BTBD9: variants seen among roughly 807,000 people sequenced by gnomAD.
BTBD9 encodes BTB/POZ domain-containing protein 9.
BTBD9 carries 49 observed loss-of-function variants against 64.3 expected under a neutral mutation model. The ratio of observed to expected loss-of-function variants is 0.76; its 90% CI spans 0.61 to 0.97. BTBD9 has a LOEUF of 0.97. Ranked by LOEUF, BTBD9 falls within the 50% of genes least tolerant of loss-of-function variation. BTBD9 has a pLI of 0.00. For missense variants in BTBD9, 598 were observed against 762.1 expected (o/e 0.78, Z 2.53); for synonymous variants, 260 against 274.7 (o/e 0.95, Z 0.53).
chr6:38,576,212 C>A lies in BTBD9; in HGVS notation c.1154+1388G>T, dbSNP rs556617993. Among the ~76,000 whole-genome samples, 5 of 152,294 alleles carry A rather than the reference C, an allele frequency of 3.3e-5. No individual in the cohort carries two copies. In the South Asian group the frequency reaches 1.0e-3, roughly 32 times the overall value. ...ACCTGAGTCAATGCAGACTCAATCT[C>A]CTCCTCTATGTGGGGGTCCCTCTGT... On this transcript the variant is annotated intron_variant, in intron 6 of 10. Coordinates refer to ENST00000481247, the MANE Select transcript of BTBD9 (RefSeq NM_001099272.2).
At chr6:38,582,898 G>A (rs1205021949) in intron 4 of BTBD9, among the ~76,000 whole-genome samples, 1 of 152,182 alleles carries the variant, frequency 6.6e-6, no homozygotes, top group African/African-American at 2.4e-5. Flanking sequence ...TCAGTATTCA[G>A]TCAAAAGGCA....
Position 38,266,627 on chromosome 6 carries a change from A to G in BTBD9, c.1455-10111T>C, listed in dbSNP as rs554356744. Among the ~76,000 whole-genome samples the G allele has an allele frequency of 4.7e-4, 39 of 82,934 alleles. 1 individual carries two copies. Among genetic ancestry groups the G allele is most frequent in the African/African-American group, 1.0e-3 (18 of 17,744 alleles). 54.4% of individuals were successfully genotyped at this position (82,934 alleles called of 152,430 possible). On this transcript the variant is annotated intron_variant, in intron 8 of 10. Transcript: ENST00000481247. The stretch of plus-strand genomic sequence containing the variant: ...AAAGGAAAGAAAGAAAGAAAGAAAG[A>G]AAGAAAGAAAGAAAGAAAGAAAGAA...
intron 1 of BTBD9, among the ~76,000 whole-genome samples, chr6:38,625,250 A>C (rs1778128445): frequency 6.6e-6 from 1 of 152,186 alleles, no homozygotes; most frequent in Non-Finnish European, 1.5e-5. Context: ...CACAGTAAAC[A>C]TGTTTTGTTG....
At chr6:38,466,437 A>G (rs1770399333) in intron 6 of BTBD9, among the ~76,000 whole-genome samples, 1 of 151,868 alleles carries the variant, frequency 6.6e-6, no homozygotes, top group Non-Finnish European at 1.5e-5. Flanking sequence ...GACTATAGGC[A>G]TGTATCACTA....
At chr6:38,374,305 A>ATATATATATGTG (rs1459305916) in intron 6 of BTBD9, among the ~76,000 whole-genome samples, 1 of 66,622 alleles carries the variant, frequency 1.5e-5, no homozygotes, top group African/African-American at 6.6e-5. Flanking sequence ...ATGTATATAT[A>ATATATATATGTG]TGTATATATA....
intron 6 of BTBD9, among the ~76,000 whole-genome samples, chr6:38,470,487 A>G (rs540178052): frequency 1.2e-4 from 18 of 152,348 alleles, no homozygotes; most frequent in African/African-American, 3.6e-4. Context: ...GTCTGGACAT[A>G]AAGGTTGATT....
chr6:38,423,571 T>C (rs952347949), intron 6 of BTBD9, among the ~76,000 whole-genome samples: 1 of 152,172 alleles, frequency 6.6e-6, no homozygotes, highest in African/African-American at 2.4e-5. Flanking sequence ...CCCAAAGTGC[T>C]GGGATTACAG....
chr6:38,300,473 G>A (rs1762346931), intron 7 of BTBD9, among the ~76,000 whole-genome samples: 1 of 152,130 alleles, frequency 6.6e-6, no homozygotes, highest in Non-Finnish European at 1.5e-5. Context: ...TCACGATATT[G>A]ATTCTTCCTA....
intron 9 of BTBD9, among the ~76,000 whole-genome samples, chr6:38,210,774 G>A (rs141050786): frequency 4.7e-4 from 72 of 152,250 alleles, no homozygotes; most frequent in Non-Finnish European, 7.9e-4. Context: ...TTCCAATAGG[G>A]TTTCTGTCAC....
Position 38,386,295 on chromosome 6 carries a change from A to AG in BTBD9, c.1155-41203dup, listed in dbSNP as rs546186472. Among the ~76,000 whole-genome samples the AG allele has an allele frequency of 2.7e-3, 418 of 152,316 alleles. 2 individuals carry two copies. The highest frequency in any genetic ancestry group is 8.7e-3 in the African/African-American group (363 of 41,576). ...AATTTTGCCACCTCAAAATTTCATAAGGAAAAACTCCAAAGTAATATATAA... is the reference window on the plus strand; with the variant it reads ...AATTTTGCCACCTCAAAATTTCATAAGGGAAAAACTCCAAAGTAATATATAA... On this transcript the variant is annotated intron_variant, in intron 6 of 10. Transcript: ENST00000481247.
chr6:38,436,794 C>T lies in BTBD9; in HGVS notation c.1155-91701G>A, dbSNP rs149144617. Among the ~76,000 whole-genome samples the T allele has an allele frequency of 3.3e-3, 496 of 152,278 alleles. 2 individuals carry two copies. Among genetic ancestry groups the T allele is most frequent in the African/African-American group, 0.011 (471 of 41,548 alleles). On this transcript the variant is annotated intron_variant, in intron 6 of 10. Transcript: ENST00000481247. Reference sequence around the variant, plus strand: ...TGCGCTCCCAACTCCCTGGCTTTACCCTCAGTAAGAACAGCATCTCTGACT... The same window carrying T: ...TGCGCTCCCAACTCCCTGGCTTTACTCTCAGTAAGAACAGCATCTCTGACT...
At chr6:38,261,393 C>A (rs976100811) in intron 8 of BTBD9, among the ~76,000 whole-genome samples, 1 of 152,132 alleles carries the variant, frequency 6.6e-6, no homozygotes, top group Admixed American at 6.5e-5. Context: ...AAGCAAAAAT[C>A]TATACCAATT....
intron 7 of BTBD9, among the ~76,000 whole-genome samples, chr6:38,325,392 AAAC>A (rs1395754832): frequency 6.6e-6 from 1 of 152,204 alleles, no homozygotes; most frequent in Admixed American, 6.5e-5. Flanking sequence ...ACCTGTTTAA[AAAC>A]AACAAAGAGG....
intron 7 of BTBD9, among the ~76,000 whole-genome samples, chr6:38,311,761 GA>G (rs1762844700): frequency 6.6e-6 from 1 of 152,108 alleles, no homozygotes; most frequent in South Asian, 2.1e-4. Flanking sequence ...CTGTCTTTTG[GA>G]TAAAAGCTAT....
At chr6:38,496,685 T>C (rs1267891879) in intron 6 of BTBD9, among the ~76,000 whole-genome samples, 3 of 145,722 alleles carry the variant, frequency 2.1e-5, no homozygotes, top group African/African-American at 7.6e-5. Context: ...GAGAGAGAGA[T>C]GGAAATCAGC....
intron 7 of BTBD9, among the ~76,000 whole-genome samples, chr6:38,332,334 T>C (rs1007953016): frequency 2.0e-5 from 3 of 152,230 alleles, no homozygotes; most frequent in African/African-American, 7.2e-5. Context: ...GAAATGCTTT[T>C]GTATCTAGCA....
chr6:38,175,431 C>T (rs561173193), intron 10 of BTBD9, among the ~76,000 whole-genome samples: 23 of 152,236 alleles, frequency 1.5e-4, no homozygotes, highest in Non-Finnish European at 2.9e-4. Flanking sequence ...CACCATGACA[C>T]GGATTCCCAC....
intron 6 of BTBD9, among the ~76,000 whole-genome samples, chr6:38,452,437 G>GTAA (rs1190082903): frequency 6.6e-6 from 1 of 152,078 alleles, no homozygotes; most frequent in East Asian, 1.9e-4. Context: ...CCGTGTTTTA[G>GTAA]TAAGATAAAT....
At chr6:38,458,194 A>T (rs1406825669) in intron 6 of BTBD9, among the ~76,000 whole-genome samples, 1 of 152,208 alleles carries the variant, frequency 6.6e-6, no homozygotes, top group African/African-American at 2.4e-5. Flanking sequence ...AGTAAAAGAA[A>T]TCACTTTTCA....
Sources: gnomAD v4.1 joint callset for allele counts (sites outside exome capture counted in the v4.1 genomes callset) on GRCh38, gnomAD v4.1.1 for gene constraint, MANE v1.5 for transcripts, NCBI Gene and HGNC (gene_info 2026-07-23, HGNC 2026-07-21) for gene names.